The following ASIC2 variants were observed in gnomAD, a reference collection of about 807,000 sequenced individuals.
The protein encoded by ASIC2 is acid-sensing ion channel 2.
In ASIC2, 25 loss-of-function variants were observed where a neutral mutation model predicts 57.3. The observed-to-expected ratio is 0.44, with a 90% CI of 0.32 to 0.61. ASIC2 has a LOEUF of 0.61. Ranked by LOEUF, ASIC2 falls within the 20% of genes least tolerant of loss-of-function variation. The pLI is 0.06. For synonymous variants in ASIC2, 319 were observed against 307.5 expected (o/e 1.04, Z -0.39); for missense variants, 641 against 738.1 (o/e 0.87, Z 1.52).
rs189677573 is a variant in ASIC2 at position 33,075,359 on chromosome 17, G to A, written c.987+13504C>T. ...TTTTCTTTATAAAGTACCCACTCTC[G>A]GGTATGTCTTTATCAGCAGTGAGAA... On this transcript the variant is annotated intron_variant, in intron 3 of 9. Coordinates refer to ENST00000225823, the MANE Select transcript of ASIC2 (RefSeq NM_183377.2). Among the ~76,000 whole-genome samples, 47 of 152,216 alleles carry A rather than the reference G, an allele frequency of 3.1e-4. No individual in the cohort carries two copies. In the East Asian group the frequency reaches 6.2e-3, roughly 20 times the overall value.
chr17:33,164,236 G>T (rs1905241696), intron 1 of ASIC2, among the ~76,000 whole-genome samples: 1 of 152,124 alleles, frequency 6.6e-6, no homozygotes, highest in Non-Finnish European at 1.5e-5. Context: ...TTCCTGGCCT[G>T]CCCCATGCTC....
At chr17:33,680,623 G>C (rs998353657) in intron 1 of ASIC2, 1 of 152,136 alleles carries the variant, frequency 6.6e-6, no homozygotes, top group Non-Finnish European at 1.5e-5. Context: ...GCAAGATCTC[G>C]TGCTATGTGT....
intron 1 of ASIC2, among the ~76,000 whole-genome samples, chr17:33,551,504 TAC>T (rs1567647551): frequency 6.6e-6 from 1 of 152,200 alleles, no homozygotes; most frequent in Non-Finnish European, 1.5e-5. Flanking sequence ...TCAATGGCTG[TAC>T]CAATGACCAA....
intron 1 of ASIC2, among the ~76,000 whole-genome samples, chr17:33,921,143 T>G (rs1314397839): frequency 2.6e-5 from 4 of 152,164 alleles, no homozygotes; most frequent in African/African-American, 9.7e-5. Flanking sequence ...CACAGAGGGT[T>G]GAGGAGTATA....
chr17:33,778,411 T>C (rs1911349019), intron 1 of ASIC2, among the ~76,000 whole-genome samples: 1 of 152,156 alleles, frequency 6.6e-6, no homozygotes, highest in Non-Finnish European at 1.5e-5. Context: ...AGCTAGTTTA[T>C]CAGCAGATAG....
At chr17:33,974,513 C>T (rs1260642018) in intron 1 of ASIC2, among the ~76,000 whole-genome samples, 2 of 152,132 alleles carry the variant, frequency 1.3e-5, no homozygotes, top group African/African-American at 4.8e-5. Context: ...TGCTGCCCGG[C>T]AGGTGGACAG....
chr17:33,614,427 T>G (rs779978626), intron 1 of ASIC2, among the ~76,000 whole-genome samples: 1 of 152,194 alleles, frequency 6.6e-6, no homozygotes, highest in Non-Finnish European at 1.5e-5. Flanking sequence ...TCTTCTTCCT[T>G]AGACTGAGCC....
intron 1 of ASIC2, chr17:33,827,762 G>A (rs1369347451): frequency 6.6e-6 from 1 of 151,970 alleles, no homozygotes; most frequent in Non-Finnish European, 1.5e-5. Flanking sequence ...GAACATGCAG[G>A]TTTGTTACAC....
At chr17:33,429,537 C>T (rs1911333765) in intron 1 of ASIC2, among the ~76,000 whole-genome samples, 1 of 152,048 alleles carries the variant, frequency 6.6e-6, no homozygotes, top group South Asian at 2.1e-4. Context: ...ACTACAGGCG[C>T]CTGCCACCAT....
At chr17:33,313,544 T>G (rs996817715) in intron 1 of ASIC2, among the ~76,000 whole-genome samples, 1 of 150,410 alleles carries the variant, frequency 6.6e-6, no homozygotes, top group Non-Finnish European at 1.5e-5. Context: ...GTCTTTTTCA[T>G]CACAGGAATG....
chr17:33,511,090 C>T (rs1278624601), intron 1 of ASIC2, among the ~76,000 whole-genome samples: 2 of 152,190 alleles, frequency 1.3e-5, no homozygotes, highest in Admixed American at 6.5e-5. Context: ...GATGCTGAGC[C>T]TTTTCACAGA....
At chr17:33,760,048 T>C (rs1467502834) in intron 1 of ASIC2, among the ~76,000 whole-genome samples, 2 of 152,124 alleles carry the variant, frequency 1.3e-5, no homozygotes, top group Non-Finnish European at 2.9e-5. Flanking sequence ...AACTGCAGTT[T>C]CAGGTATTGT....
intron 1 of ASIC2, among the ~76,000 whole-genome samples, chr17:33,475,002 A>C (rs1433242696): frequency 6.6e-6 from 1 of 152,088 alleles, no homozygotes; most frequent in Non-Finnish European, 1.5e-5. Flanking sequence ...AATCCTCTCC[A>C]GGATGGTTTT....
chr17:33,260,559 G>A (rs75733826), intron 1 of ASIC2, among the ~76,000 whole-genome samples: 6 of 152,228 alleles, frequency 3.9e-5, no homozygotes, highest in Non-Finnish European at 7.3e-5. Flanking sequence ...CTGCCGCCAG[G>A]GGGGCGGGGA....
chr17:33,405,149 T>C (rs1273089855), intron 1 of ASIC2, among the ~76,000 whole-genome samples: 1 of 152,146 alleles, frequency 6.6e-6, no homozygotes, highest in Non-Finnish European at 1.5e-5. Flanking sequence ...CATTCAATTA[T>C]CAAATGTTTC....
chr17:33,083,912 G>C (rs1164447597), intron 3 of ASIC2, among the ~76,000 whole-genome samples: 1 of 152,126 alleles, frequency 6.6e-6, no homozygotes, highest in South Asian at 2.1e-4. Flanking sequence ...GTTGAGGAAG[G>C]GGTACTACCA....
At chr17:33,185,721 T>A (rs1207771320) in intron 1 of ASIC2, among the ~76,000 whole-genome samples, 3 of 152,132 alleles carry the variant, frequency 2.0e-5, no homozygotes, top group Non-Finnish European at 4.4e-5. Flanking sequence ...TACTGATCAC[T>A]GTGTATGTGA....
At chr17:34,005,352 T>C (rs921503782) in intron 1 of ASIC2, 1 of 152,216 alleles carries the variant, frequency 6.6e-6, no homozygotes, top group Non-Finnish European at 1.5e-5. Flanking sequence ...GTTTCTATTA[T>C]CTTCAAACTT....
chr17:33,308,555 T>C (rs758751618), intron 1 of ASIC2, among the ~76,000 whole-genome samples: 3 of 152,224 alleles, frequency 2.0e-5, no homozygotes, highest in Non-Finnish European at 2.9e-5. Flanking sequence ...TTCTAGAGCC[T>C]TGTTCAGTGC....
Sources: allele counts gnomAD v4.1 joint callset (sites outside exome capture counted in the v4.1 genomes callset), GRCh38; gene constraint gnomAD v4.1.1; transcripts MANE v1.5; gene names NCBI Gene and HGNC (gene_info 2026-07-23, HGNC 2026-07-21).